Variants in MPPED2 observed in about 807,000 individuals in gnomAD.
MPPED2 encodes the protein metallophosphoesterase MPPED2.
A neutral mutation model predicts 33.0 loss-of-function variants in MPPED2; 5 were observed. The observed-to-expected ratio is 0.15, with a 90% CI of 0.08 to 0.32. The LOEUF (loss-of-function observed/expected upper bound fraction) is 0.32. MPPED2 is among the 10% of genes least tolerant of loss of function. The pLI is 1.00. For missense variants in MPPED2, 275 were observed against 372.1 expected (o/e 0.74, Z 2.15); for synonymous variants, 136 against 141.9 (o/e 0.96, Z 0.29).
chr11:30,543,786 G>A (rs964035130), intron 2 of MPPED2, among the ~76,000 whole-genome samples: 4 of 133,270 alleles, frequency 3.0e-5, no homozygotes, highest in Non-Finnish European at 4.7e-5. Context: ...CAGAAATGGC[G>A]TTGTTCTTTT....
chr11:30,417,209 C>T (rs1302074678), intron 5 of MPPED2, among the ~76,000 whole-genome samples: 1 of 152,120 alleles, frequency 6.6e-6, no homozygotes, highest in Non-Finnish European at 1.5e-5. Flanking sequence ...CCACCCCACC[C>T]CCTTACTCCA....
intron 6 of MPPED2, among the ~76,000 whole-genome samples, chr11:30,392,601 G>C (rs978041430): frequency 6.6e-6 from 1 of 152,166 alleles, no homozygotes; most frequent in South Asian, 2.1e-4. Flanking sequence ...TTTCAAACAG[G>C]GCTTTAAATG....
intron 3 of MPPED2, among the ~76,000 whole-genome samples, chr11:30,506,925 C>T (rs1275289134): frequency 6.6e-6 from 1 of 152,154 alleles, no homozygotes; most frequent in Admixed American, 6.5e-5. Flanking sequence ...AAAATCTCTG[C>T]GTTAACAGCG....
intron 4 of MPPED2, among the ~76,000 whole-genome samples, chr11:30,480,995 T>G (rs34751930): frequency 0.024 from 3,578 of 152,220 alleles, 72 homozygotes; most frequent in Admixed American, 0.058. Context: ...AATTTTAATC[T>G]GTGGCAAGGT....
At chr11:30,395,853 AC>A (rs778470111) in intron 6 of MPPED2, among the ~76,000 whole-genome samples, 2 of 152,202 alleles carry the variant, frequency 1.3e-5, no homozygotes, top group Non-Finnish European at 2.9e-5. Flanking sequence ...ACACATGTTC[AC>A]GGAGGTATTA....
At chr11:30,550,683 T>TGTCC (rs1955664825) in intron 2 of MPPED2, among the ~76,000 whole-genome samples, 1 of 152,300 alleles carries the variant, frequency 6.6e-6, no homozygotes, top group East Asian at 1.9e-4. Context: ...CAGCCAGGTC[T>TGTCC]GTCCGGGACA....
chr11:30,408,356 C>G (rs1590166097), downstream of MPPED2, among the ~76,000 whole-genome samples: 1 of 152,192 alleles, frequency 6.6e-6, no homozygotes. Context: ...ATCTCCCAGG[C>G]TGGAGTGCAA....
chr11:30,445,612 C>T (rs969738918), intron 4 of MPPED2, among the ~76,000 whole-genome samples: 5 of 152,120 alleles, frequency 3.3e-5, no homozygotes, highest in Non-Finnish European at 5.9e-5. Flanking sequence ...AATGATAACC[C>T]CCTTCACCCC....
chr11:30,517,187 C>A (rs966053767), intron 3 of MPPED2, among the ~76,000 whole-genome samples: 4 of 152,074 alleles, frequency 2.6e-5, no homozygotes. Flanking sequence ...AGCTGCTATC[C>A]CCCCATACTC....
chr11:30,561,486 A>T (rs1315814993), intron 2 of MPPED2, among the ~76,000 whole-genome samples: 1 of 152,132 alleles, frequency 6.6e-6, no homozygotes, highest in Non-Finnish European at 1.5e-5. Flanking sequence ...ATGTCCTGAG[A>T]TGCTCAGTTT....
chr11:30,575,872 C>A (rs920062470), intron 2 of MPPED2, among the ~76,000 whole-genome samples: 1 of 152,106 alleles, frequency 6.6e-6, no homozygotes, highest in Non-Finnish European at 1.5e-5. Context: ...ACTTGCCAAC[C>A]CTGACAAACC....
Position 30,536,234 on chromosome 11 carries a change from C to T in MPPED2, c.129-59G>A, listed in dbSNP as rs1954802483. 6.6e-6 allele frequency: 9 copies of T among 1,363,278 alleles called. No individual in the cohort carries two copies. The East Asian group carries it at 7.5e-5, about 11-fold the overall frequency. 84.4% of individuals were successfully genotyped at this position (1,363,278 alleles called of 1,614,324 possible). The stretch of plus-strand genomic sequence containing the variant: ...AACATATTAGAACCCTTGAAATTGT[C>T]GTCGCACATACATATTTATTATTAT... On this transcript the variant is annotated intron_variant, in intron 2 of 6. Coordinates refer to ENST00000358117, the MANE Select transcript of MPPED2 (RefSeq NM_001584.3).
intron 2 of MPPED2, among the ~76,000 whole-genome samples, chr11:30,551,329 A>G (rs1955701091): frequency 6.6e-6 from 1 of 152,178 alleles, no homozygotes; most frequent in Non-Finnish European, 1.5e-5. Context: ...CTGGACTTAC[A>G]AGGTTACATA....
intron 6 of MPPED2, among the ~76,000 whole-genome samples, chr11:30,392,890 T>C (rs1251212045): frequency 6.6e-6 from 1 of 152,188 alleles, no homozygotes; most frequent in African/African-American, 2.4e-5. Context: ...AGGCAAAGTG[T>C]GTCCACTAGC....
At chr11:30,404,832 T>C (rs1040861254) in intron 6 of MPPED2, among the ~76,000 whole-genome samples, 13 of 152,232 alleles carry the variant, frequency 8.5e-5, no homozygotes, top group African/African-American at 2.9e-4. Flanking sequence ...TTTGTTGATT[T>C]CATCTGTGAT....
intron 3 of MPPED2, among the ~76,000 whole-genome samples, chr11:30,526,525 C>G (rs1368097060): frequency 1.3e-5 from 2 of 152,102 alleles, no homozygotes; most frequent in East Asian, 3.8e-4. Context: ...ATTAAACTCT[C>G]AACAGTAAGA....
intron 4 of MPPED2, among the ~76,000 whole-genome samples, chr11:30,423,406 T>G (rs555749676): frequency 3.2e-4 from 49 of 152,184 alleles, no homozygotes; most frequent in Non-Finnish European, 5.9e-4. Flanking sequence ...CTGCAGGGAT[T>G]ACAGCTTGGA....
intron 4 of MPPED2, among the ~76,000 whole-genome samples, chr11:30,439,595 CTGAG>C (rs1949476416): frequency 6.6e-6 from 1 of 152,050 alleles, no homozygotes; most frequent in Non-Finnish European, 1.5e-5. Flanking sequence ...CCAGTCATTG[CTGAG>C]TGAGGAGAAG....
chr11:30,462,313 C>T (rs938554348), intron 4 of MPPED2, among the ~76,000 whole-genome samples: 7 of 152,068 alleles, frequency 4.6e-5, no homozygotes, highest in Non-Finnish European at 1.0e-4. Context: ...AAGCACTAAG[C>T]CCCAGTATGA....
Sources: gnomAD v4.1 joint callset for allele counts (sites outside exome capture counted in the v4.1 genomes callset) on GRCh38, gnomAD v4.1.1 for gene constraint, MANE v1.5 for transcripts, NCBI Gene and HGNC (gene_info 2026-07-23, HGNC 2026-07-21) for gene names.